The following INTU variants were observed in gnomAD, a reference collection of about 807,000 sequenced individuals.
The protein encoded by INTU is inturned planar cell polarity protein.
INTU carries 68 observed loss-of-function variants against 100.5 expected under a neutral mutation model. That is an observed-to-expected ratio of 0.68 (90% CI 0.56 to 0.83). The LOEUF is 0.83. Ranked by LOEUF, INTU falls within the 40% of genes least tolerant of loss-of-function variation. The pLI, the probability that INTU is intolerant of heterozygous loss-of-function variation, is 0.00. For missense variants in INTU, 1,071 were observed against 1,114.7 expected (o/e 0.96, Z 0.56); for synonymous variants, 357 against 395.7 (o/e 0.90, Z 1.16).
intron 6 of INTU, among the ~76,000 whole-genome samples, chr4:127,682,050 T>A (rs1278805551): frequency 2.1e-5 from 3 of 145,820 alleles, no homozygotes; most frequent in Middle Eastern, 3.2e-3. Flanking sequence ...AAAACCACAA[T>A]GAGATACCGT....
rs372426578 is a variant in INTU at position 127,708,601 on chromosome 4, C to A, written c.2302C>A (p.Pro768Thr). The A allele has an allele frequency of 2.3e-5, 36 of 1,597,370 alleles. No individual in the cohort carries two copies. The African/African-American group carries it at 4.0e-4, about 18-fold the overall frequency. ...TAAAAAGAAGTCTACTCTTCCAAAT[C>A]CATTTCATTTGGGAAACTTGAAAAA... is the stretch of plus-strand genomic sequence containing the variant. ...VTKKKSTLPN[P>T]FHLGNLKKDL... Residue 768 changes from proline to threonine, a missense_variant, in exon 13 of 16, where the codon CCA becomes ACA. Physicochemically the swap from Pro to Thr is conservative, Grantham distance 38. Coordinates refer to ENST00000335251, the MANE Select transcript of INTU (RefSeq NM_015693.4).
Position 127,720,825 on chromosome 4 carries a change from T to C in INTU, c.*4389T>C, listed in dbSNP as rs1731336135. The C allele has an allele frequency of 6.6e-6, 1 of 152,156 alleles. No individual in the cohort carries two copies. Among genetic ancestry groups the C allele is most frequent in the African/African-American group, 2.4e-5 (1 of 41,428 alleles). 9.4% of individuals were successfully genotyped at this position (152,156 alleles called of 1,614,324 possible). A position where few individuals can be genotyped will look rare whatever the true frequency, so the allele number is the denominator to read the frequency against. On this transcript the variant is annotated 3_prime_UTR_variant, in exon 16 of 16. Coordinates refer to ENST00000335251, the MANE Select transcript of INTU (RefSeq NM_015693.4). ...CTTTTTCTGTTTTCCTTTTGCTTGG[T>C]AGATTTTCCTTCATCCTTTTATTTT...
In INTU at chr4:127,669,131, CG is replaced by C; in HGVS notation, c.1069del (p.Val357Ter). 3 of 1,530,174 alleles carry C rather than the reference CG, an allele frequency of 2.0e-6. No homozygotes were observed. The highest frequency in any genetic ancestry group is 2.7e-6 in the Non-Finnish European group (3 of 1,124,496). 94.8% of individuals were successfully genotyped at this position (1,530,174 alleles called of 1,614,324 possible). ...FLTLCDMLEN[V>X]TGTQVTSSSL... ...TCACACTCTGTGACATGCTGGAAAA[CG>C]TAACTGGGACACAAGTTACTAGGTA... is the stretch of plus-strand genomic sequence containing the variant. On this transcript the variant is annotated frameshift_variant, in exon 5 of 16. Coordinates refer to ENST00000335251, the MANE Select transcript of INTU (RefSeq NM_015693.4). LOFTEE classifies it high-confidence loss of function.
intron 1 of INTU, among the ~76,000 whole-genome samples, chr4:127,637,713 G>A (rs1727133343): frequency 6.6e-6 from 1 of 152,168 alleles, no homozygotes; most frequent in Non-Finnish European, 1.5e-5. Flanking sequence ...GTACAGTAAA[G>A]TCCTATCAGA....
At chr4:127,651,045 T>A (rs1300292042) in intron 2 of INTU, among the ~76,000 whole-genome samples, 9 of 152,084 alleles carry the variant, frequency 5.9e-5, no homozygotes, top group Non-Finnish European at 1.0e-4. Context: ...CATGTCCTTC[T>A]CCCACTTTTT....
chr4:127,678,431 A>G (rs1729343763), intron 6 of INTU, among the ~76,000 whole-genome samples: 1 of 152,210 alleles, frequency 6.6e-6, no homozygotes, highest in African/African-American at 2.4e-5. Context: ...GCCAGAAGAG[A>G]CTGGGGGCCA....
chr4:127,701,268 T>C lies in INTU; in HGVS notation c.1503+1205T>C, dbSNP rs537390978. ...ACTGCAGGACACTTTCTTCTCCAAA[T>C]AAATTAGAAAAGGCTGGCGTGAGGT... On this transcript the variant is annotated intron_variant, in intron 9 of 15. Transcript: ENST00000335251. 6.6e-4 allele frequency among the ~76,000 whole-genome samples: 100 copies of C among 152,240 alleles called. 1 individual carries two copies. The highest frequency in any genetic ancestry group is 8.9e-4 in the African/African-American group (37 of 41,570).
At chr4:127,645,524 A>G (rs1447232119) in intron 2 of INTU, among the ~76,000 whole-genome samples, 2 of 151,572 alleles carry the variant, frequency 1.3e-5, no homozygotes, top group Admixed American at 6.6e-5. Context: ...ATGATAAATT[A>G]TTGTTGTTGT....
chr4:127,656,587 G>A, intron 2 of INTU, 49 bp from the exon 3 acceptor site: 1 of 1,324,530 alleles, frequency 7.5e-7, no homozygotes, highest in Admixed American at 1.7e-5. Context: ...AGACCTCTAT[G>A]GTTTTTAGAT....
rs138846750 is a variant in INTU at position 127,669,970 on chromosome 4, C to T, written c.1091+816C>T. The stretch of plus-strand genomic sequence containing the variant: ...AATAGACAAATAGGACAGATGCATT[C>T]GTCATCAGTGTAGTTAATGATGGAT... On this transcript the variant is annotated intron_variant, in intron 5 of 15. Transcript: ENST00000335251. Among the ~76,000 whole-genome samples, 83 of 151,922 alleles carry T rather than the reference C, an allele frequency of 5.5e-4. 1 individual carries two copies. Among genetic ancestry groups the T allele is most frequent in the Non-Finnish European group, 9.4e-4 (64 of 67,768 alleles).
At chr4:127,711,813 T>A (rs1156817002) in intron 14 of INTU, among the ~76,000 whole-genome samples, 3 of 152,200 alleles carry the variant, frequency 2.0e-5, no homozygotes, top group Non-Finnish European at 4.4e-5. Context: ...TGGGGACTGC[T>A]GGGTTAAGGT....
intron 14 of INTU, among the ~76,000 whole-genome samples, chr4:127,713,024 T>A (rs1410520137): frequency 2.0e-5 from 3 of 152,118 alleles, no homozygotes; most frequent in Non-Finnish European, 4.4e-5. Context: ...GAAGAAGAGA[T>A]CACAAAGGTA....
intron 8 of INTU, among the ~76,000 whole-genome samples, chr4:127,692,260 A>AT (rs895094128): frequency 6.7e-5 from 10 of 148,486 alleles, no homozygotes; most frequent in African/African-American, 9.8e-5. Flanking sequence ...ACCAACATCT[A>AT]TTTTTTTTTA....
rs573842566 is a variant in INTU, at chr4:127,719,247, T to A, written c.*2811T>A. 6.6e-6 allele frequency: 1 copy of A among 152,326 alleles called. No homozygotes were observed. Among genetic ancestry groups the A allele is most frequent in the African/African-American group, 2.4e-5 (1 of 41,574 alleles). The allele number at this position is 152,326 out of a possible 1,614,324, so 9.4% of individuals were successfully genotyped here. On this transcript the variant is annotated 3_prime_UTR_variant, in exon 16 of 16. Coordinates refer to ENST00000335251, the MANE Select transcript of INTU (RefSeq NM_015693.4). The stretch of plus-strand genomic sequence containing the variant: ...TGCATCTATTGAGTTAATCATGTGG[T>A]CTTTGTCTTTAGTTCTGTTTGTGTG...
At chr4:127,676,648 T>C (rs566913639) in intron 6 of INTU, among the ~76,000 whole-genome samples, 2 of 150,738 alleles carry the variant, frequency 1.3e-5, no homozygotes, top group African/African-American at 4.9e-5. Flanking sequence ...ACAGGTCCAG[T>C]CTACAGCTCC....
At chr4:127,709,265 G>T (rs920693684) in intron 13 of INTU, among the ~76,000 whole-genome samples, 1 of 152,128 alleles carries the variant, frequency 6.6e-6, no homozygotes, top group Non-Finnish European at 1.5e-5. Flanking sequence ...CAGTGGTATC[G>T]GCTGAGACTT....
rs1560825535 is a variant in INTU, at chr4:127,640,538, G to GATAT, written c.147-2980_147-2979insTATA. On this transcript the variant is annotated intron_variant, in intron 1 of 15. Transcript: ENST00000335251. ...AAATTGGTATAGTCTTTTGGGTAAA[G>GATAT]ATACATATATATATATATATATATA... Among the ~76,000 whole-genome samples the GATAT allele has an allele frequency of 2.6e-4, 18 of 70,364 alleles. 2 individuals carry two copies. The highest frequency in any genetic ancestry group is 1.2e-3 in the African/African-American group (18 of 15,116). The allele number at this position is 70,364 out of a possible 152,430, so 46.2% of individuals were successfully genotyped here.
chr4:127,651,530 G>A (rs1206621200), intron 2 of INTU, among the ~76,000 whole-genome samples: 3 of 152,162 alleles, frequency 2.0e-5, no homozygotes, highest in Admixed American at 2.0e-4. Context: ...GATAGTTGTA[G>A]ATAAGCGGCG....
intron 2 of INTU, among the ~76,000 whole-genome samples, chr4:127,647,948 T>C (rs576939735): frequency 1.1e-5 from 1 of 94,526 alleles, no homozygotes; most frequent in South Asian, 4.3e-4. Flanking sequence ...AGCCCTTTAG[T>C]ACACATGTTG....
Sources: gnomAD v4.1 joint callset for allele counts (sites outside exome capture counted in the v4.1 genomes callset) on GRCh38, gnomAD v4.1.1 for gene constraint, MANE v1.5 for transcripts, NCBI Gene and HGNC (gene_info 2026-07-23, HGNC 2026-07-21) for gene names.